FSTL5: variants seen among roughly 807,000 people sequenced by gnomAD.
The protein encoded by FSTL5 is follistatin-related protein 5.
A neutral mutation model predicts 89.1 loss-of-function variants in FSTL5; 62 were observed. The ratio of observed to expected loss-of-function variants is 0.70; its 90% CI spans 0.57 to 0.86. The LOEUF (loss-of-function observed/expected upper bound fraction) is 0.86. FSTL5 is among the 40% of genes least tolerant of loss of function. The pLI is 0.00. For synonymous variants in FSTL5, 383 were observed against 346.2 expected, an observed-to-expected ratio of 1.11 and a Z score of -1.18; for missense variants, 1,057 against 1,001.6, an observed-to-expected ratio of 1.06 and a Z score of -0.75.
chr4:161,781,072 A>G (rs1055760828), intron 4 of FSTL5, among the ~76,000 whole-genome samples: 2 of 152,116 alleles, frequency 1.3e-5, no homozygotes, highest in Non-Finnish European at 2.9e-5. Context: ...AATAAATTCT[A>G]TCTGTATATT....
chr4:161,422,572 T>C (rs143568577), intron 15 of FSTL5, among the ~76,000 whole-genome samples: 1 of 152,296 alleles, frequency 6.6e-6, no homozygotes, highest in East Asian at 1.9e-4. Context: ...ATGGAAGTGC[T>C]AGCATATCTC....
chr4:162,029,509 A>T (rs185250925), intron 3 of FSTL5, among the ~76,000 whole-genome samples: 9 of 152,236 alleles, frequency 5.9e-5, no homozygotes, highest in Admixed American at 5.2e-4. Flanking sequence ...AACATCATGG[A>T]TATGTTGTGC....
At chr4:161,589,266 T>A (rs982621460) in intron 7 of FSTL5, among the ~76,000 whole-genome samples, 3 of 152,042 alleles carry the variant, frequency 2.0e-5, no homozygotes, top group African/African-American at 4.8e-5. Flanking sequence ...ATCTGCTTCC[T>A]GGGTTCCAGT....
At position 161,718,307 on chromosome 4, in the gene FSTL5, A is replaced by G. The variant is rs528713786; in HGVS notation, c.727+41104T>C. On this transcript the variant is annotated intron_variant, in intron 6 of 15. Transcript: ENST00000306100. ...TTAATTTTGCTTAATGATTTTTACT[A>G]ATTTATGAACAGCATCTTGGGGCAA... Among the ~76,000 whole-genome samples the G allele has an allele frequency of 9.2e-5, 14 of 152,344 alleles. 1 individual carries two copies. In the South Asian group the frequency reaches 2.1e-3, roughly 23 times the overall value.
chr4:161,488,491 T>A (rs1251984271), intron 12 of FSTL5, among the ~76,000 whole-genome samples: 1 of 152,048 alleles, frequency 6.6e-6, no homozygotes, highest in East Asian at 1.9e-4. Flanking sequence ...TGTTTTCTCT[T>A]TATAAATAGT....
intron 15 of FSTL5, among the ~76,000 whole-genome samples, chr4:161,448,625 A>G (rs2126385288): frequency 6.6e-6 from 1 of 151,756 alleles, no homozygotes; most frequent in Admixed American, 6.6e-5. Context: ...GCTATAGACC[A>G]CTCTCCAGAC....
At position 161,785,521 on chromosome 4, in the gene FSTL5, C is replaced by T. The variant is rs189794950; in HGVS notation, c.410-9447G>A. Among the ~76,000 whole-genome samples, 443 of 152,232 alleles carry T rather than the reference C, an allele frequency of 2.9e-3. 4 individuals are homozygous for T. Among genetic ancestry groups the T allele is most frequent in the African/African-American group, 9.8e-3 (406 of 41,538 alleles). On this transcript the variant is annotated intron_variant, in intron 4 of 15. Coordinates refer to ENST00000306100, the MANE Select transcript of FSTL5 (RefSeq NM_020116.5). ...GTTTTGTATTCATCTAACAATATAA[C>T]TTATAGCTTCAAAAGTTGTAAATCA...
intron 5 of FSTL5, among the ~76,000 whole-genome samples, chr4:161,775,406 T>C (rs1168038206): frequency 6.6e-6 from 1 of 152,208 alleles, no homozygotes; most frequent in Admixed American, 6.5e-5. Flanking sequence ...AATTGGTCCT[T>C]AATTATTGAA....
chr4:162,105,604 T>A (rs937016982), intron 2 of FSTL5, among the ~76,000 whole-genome samples: 1 of 152,056 alleles, frequency 6.6e-6, no homozygotes. Context: ...AAATAAAAAA[T>A]TTTTCAAACA....
At chr4:161,631,539 C>T (rs946334437) in intron 7 of FSTL5, among the ~76,000 whole-genome samples, 22 of 152,150 alleles carry the variant, frequency 1.4e-4, no homozygotes, top group African/African-American at 5.3e-4. Flanking sequence ...GTCACTTGAA[C>T]CCAGGGGGCA....
At position 161,527,404 on chromosome 4, in the gene FSTL5, G is replaced by T. The variant is rs1165023128; in HGVS notation, c.1312+10762C>A. Among the ~76,000 whole-genome samples, 12 of 152,092 alleles carry T rather than the reference G, an allele frequency of 7.9e-5. No individual in the cohort carries two copies. In the East Asian group the frequency reaches 2.3e-3, roughly 29 times the overall value. On this transcript the variant is annotated intron_variant, in intron 10 of 15. Coordinates refer to ENST00000306100, the MANE Select transcript of FSTL5 (RefSeq NM_020116.5). Reference sequence around the variant, plus strand: ...TTTCGCAACCTACTCATCTGACAAAGGGCTAATAGCCAGAATCTACAATGA... The same window carrying T: ...TTTCGCAACCTACTCATCTGACAAATGGCTAATAGCCAGAATCTACAATGA...
At chr4:161,483,122 T>C (rs1729576144) in intron 12 of FSTL5, among the ~76,000 whole-genome samples, 1 of 152,204 alleles carries the variant, frequency 6.6e-6, no homozygotes, top group Non-Finnish European at 1.5e-5. Context: ...ATGCTTAGAA[T>C]GCAGTATTAC....
chr4:161,384,535 T>C lies in FSTL5; in HGVS notation c.*1212A>G, dbSNP rs1011797104. 6.6e-6 allele frequency: 1 copy of C among 152,128 alleles called. No individual in the cohort carries two copies. The highest frequency in any genetic ancestry group is 6.6e-5 in the Admixed American group (1 of 15,248). 9.4% of individuals were successfully genotyped at this position (152,128 alleles called of 1,614,324 possible). On this transcript the variant is annotated 3_prime_UTR_variant, in exon 16 of 16. Transcript: ENST00000306100. ...CTCAAGTAGGAGGATTCGTTAGGTTTCAAACTACAGCACATAGTGAGAAGA... is the reference window on the plus strand; with the variant it reads ...CTCAAGTAGGAGGATTCGTTAGGTTCCAAACTACAGCACATAGTGAGAAGA...
intron 4 of FSTL5, among the ~76,000 whole-genome samples, chr4:161,844,649 T>C (rs184889847): frequency 1.5e-4 from 23 of 152,238 alleles, no homozygotes; most frequent in Admixed American, 1.2e-3. Context: ...GGGACATGGA[T>C]GAAGCTGGAA....
At chr4:162,152,633 C>T (rs1733273723) in intron 1 of FSTL5, among the ~76,000 whole-genome samples, 1 of 152,062 alleles carries the variant, frequency 6.6e-6, no homozygotes, top group Admixed American at 6.6e-5. Context: ...TTCTCTTTCC[C>T]TAATAATGCC....
intron 1 of FSTL5, among the ~76,000 whole-genome samples, chr4:162,152,432 T>C (rs563846376): frequency 1.5e-3 from 228 of 152,324 alleles, no homozygotes; most frequent in Middle Eastern, 0.01. Context: ...GATTGAGATA[T>C]TGTGCATTTA....
At chr4:161,773,838 G>C (rs2126802290) in intron 5 of FSTL5, among the ~76,000 whole-genome samples, 1 of 152,102 alleles carries the variant, frequency 6.6e-6, no homozygotes, top group South Asian at 2.1e-4. Flanking sequence ...CCCACTACTG[G>C]GTATCTACCA....
rs193066826 is a variant in FSTL5 at position 161,998,272 on chromosome 4, T to C, written c.160+35353A>G. 4.6e-5 allele frequency among the ~76,000 whole-genome samples: 7 copies of C among 152,288 alleles called. No individual in the cohort carries two copies. In the East Asian group the frequency reaches 1.4e-3, roughly 29 times the overall value. On this transcript the variant is annotated intron_variant, in intron 3 of 15. Coordinates refer to ENST00000306100, the MANE Select transcript of FSTL5 (RefSeq NM_020116.5). Reference sequence around the variant, plus strand: ...TTATTGTAAATACTGTCTCTTCTTCTTTGAGTTGTAATCCCACCACAAGCC... The same window carrying C: ...TTATTGTAAATACTGTCTCTTCTTCCTTGAGTTGTAATCCCACCACAAGCC...
chr4:161,733,234 T>C (rs980499969), intron 6 of FSTL5, among the ~76,000 whole-genome samples: 1 of 152,018 alleles, frequency 6.6e-6, no homozygotes, highest in African/African-American at 2.4e-5. Context: ...TATATTTTTG[T>C]TGCTTTTGTA....
Sources: allele counts gnomAD v4.1 joint callset (sites outside exome capture counted in the v4.1 genomes callset), GRCh38; gene constraint gnomAD v4.1.1; transcripts MANE v1.5; gene names NCBI Gene and HGNC (gene_info 2026-07-23, HGNC 2026-07-21).